NR6A1: variants seen among roughly 807,000 people sequenced by gnomAD.
The protein encoded by NR6A1 is nuclear receptor subfamily 6 group A member 1, also known as retinoic acid receptor-related testis-associated receptor.
In NR6A1, 7 loss-of-function variants were observed where a neutral mutation model predicts 59.1. The ratio of observed to expected loss-of-function variants is 0.12; its 90% confidence interval spans 0.07 to 0.22. The LOEUF (loss-of-function observed/expected upper bound fraction) is 0.22. Ranked by LOEUF, NR6A1 falls within the 10% of genes least tolerant of loss-of-function variation. The pLI is 1.00. For synonymous variants in NR6A1, 243 were observed against 236.1 expected (o/e 1.03, Z -0.27); for missense variants, 468 against 611.6 (o/e 0.77, Z 2.48).
intron 1 of NR6A1, among the ~76,000 whole-genome samples, chr9:124,749,255 T>A (rs923261725): frequency 7.1e-6 from 1 of 141,002 alleles, no homozygotes; most frequent in Admixed American, 7.2e-5. Context: ...AGAGTGAAAC[T>A]CCATTTCAAA....
At chr9:124,765,058 G>T (rs1840891669) in intron 1 of NR6A1, among the ~76,000 whole-genome samples, 2 of 152,140 alleles carry the variant, frequency 1.3e-5, no homozygotes, top group South Asian at 4.1e-4. Context: ...AGGGTGTAGA[G>T]TTTACAATTA....
chr9:124,724,522 C>T (rs901216623), intron 2 of NR6A1, among the ~76,000 whole-genome samples: 4 of 145,444 alleles, frequency 2.8e-5, no homozygotes, highest in Non-Finnish European at 6.0e-5. Flanking sequence ...CATCAGACAA[C>T]ATAGCACATA....
chr9:124,673,131 C>T (rs905049453), intron 2 of NR6A1, among the ~76,000 whole-genome samples: 1 of 151,960 alleles, frequency 6.6e-6, no homozygotes, highest in African/African-American at 2.4e-5. Context: ...AGATCAGCCT[C>T]GGCAACATGG....
chr9:124,767,788 A>C (rs746095002), intron 1 of NR6A1, among the ~76,000 whole-genome samples: 2 of 152,244 alleles, frequency 1.3e-5, no homozygotes, highest in Non-Finnish European at 2.9e-5. Flanking sequence ...CATTTCCTCT[A>C]AAGTGTAATT....
chr9:124,652,371 ATTAC>A (rs1465070767), intron 2 of NR6A1, among the ~76,000 whole-genome samples: 1 of 152,096 alleles, frequency 6.6e-6, no homozygotes, highest in Admixed American at 6.5e-5. Flanking sequence ...TCCTAATCTC[ATTAC>A]TACCTGGCTG....
At chr9:124,692,366 C>G in intron 2 of NR6A1, 1 of 401,422 alleles carries the variant, frequency 2.5e-6, no homozygotes, top group South Asian at 2.0e-5. Context: ...ACTTGAAACC[C>G]AGAGAGGAAT....
intron 2 of NR6A1, among the ~76,000 whole-genome samples, chr9:124,657,605 G>C (rs1837297074): frequency 6.6e-6 from 1 of 152,166 alleles, no homozygotes; most frequent in South Asian, 2.1e-4. Flanking sequence ...TAATGACCTG[G>C]TTTCCCAGTG....
intron 2 of NR6A1, among the ~76,000 whole-genome samples, chr9:124,626,068 A>G (rs991166636): frequency 2.0e-5 from 3 of 152,214 alleles, no homozygotes; most frequent in African/African-American, 7.2e-5. Flanking sequence ...GTGCAGTGGT[A>G]CGATCTCAGC....
chr9:124,536,740 G>A (rs1833279346), intron 6 of NR6A1, among the ~76,000 whole-genome samples: 1 of 151,804 alleles, frequency 6.6e-6, no homozygotes, highest in Non-Finnish European at 1.5e-5. Context: ...AATGTTCCAT[G>A]TCTTAGAGAA....
At chr9:124,565,337 G>T (rs764746528) in intron 2 of NR6A1, among the ~76,000 whole-genome samples, 11 of 152,150 alleles carry the variant, frequency 7.2e-5, no homozygotes, top group South Asian at 6.2e-4. Flanking sequence ...TGAGGCATGA[G>T]AATCGCTTGA....
intron 1 of NR6A1, among the ~76,000 whole-genome samples, chr9:124,761,155 C>T (rs1455002599): frequency 6.6e-6 from 1 of 152,244 alleles, no homozygotes; most frequent in African/African-American, 2.4e-5. Flanking sequence ...GAAGATTTCA[C>T]ATGAATCTTC....
chr9:124,576,556 G>C (rs1031446104), intron 2 of NR6A1, among the ~76,000 whole-genome samples: 3 of 151,920 alleles, frequency 2.0e-5, no homozygotes, highest in African/African-American at 7.3e-5. Flanking sequence ...CAAAGTGCTG[G>C]GATTATAGGC....
intron 2 of NR6A1, among the ~76,000 whole-genome samples, chr9:124,696,436 C>G (rs970222699): frequency 1.3e-5 from 2 of 151,938 alleles, no homozygotes; most frequent in African/African-American, 4.8e-5. Context: ...GGTGTATAGC[C>G]TCACAGATAT....
chr9:124,733,147 G>C (rs1303402692), intron 2 of NR6A1, among the ~76,000 whole-genome samples, 161 bp downstream of exon 2: 4 of 152,158 alleles, frequency 2.6e-5, no homozygotes, highest in African/African-American at 9.7e-5. Context: ...AGCATAACTA[G>C]AAAAGACAGA....
In NR6A1 at chr9:124,600,986, GA is replaced by G. The variant is rs553677692; in HGVS notation, c.143-46417del. On this transcript the variant is annotated intron_variant, in intron 2 of 9. Transcript: ENST00000487099. Reference sequence around the variant, plus strand: ...AAAAAGACTACAGAGTGTGCTTTAAGAAAAAAAAAAAAAATGCGGTGGCTCA... The same window carrying G: ...AAAAAGACTACAGAGTGTGCTTTAAGAAAAAAAAAAAAATGCGGTGGCTCA... Among the ~76,000 whole-genome samples the G allele has an allele frequency of 2.2e-3, 308 of 137,326 alleles. 1 individual carries two copies. Among genetic ancestry groups the G allele is most frequent in the South Asian group, 0.021 (91 of 4,370 alleles). The allele number at this position is 137,326 out of a possible 152,430, so 90.1% of individuals were successfully genotyped here. A position where few individuals can be genotyped will look rare whatever the true frequency, so the allele number is the denominator to read the frequency against.
intron 2 of NR6A1, among the ~76,000 whole-genome samples, chr9:124,656,677 C>T (rs1338483549): frequency 3.3e-5 from 5 of 151,978 alleles, no homozygotes; most frequent in Non-Finnish European, 7.4e-5. Flanking sequence ...ACTAAAAATA[C>T]AAAAACTAGC....
chr9:124,746,829 T>C (rs911586531), intron 1 of NR6A1, among the ~76,000 whole-genome samples: 1 of 152,212 alleles, frequency 6.6e-6, no homozygotes, highest in Non-Finnish European at 1.5e-5. Context: ...TATAGGCTGC[T>C]ATCCCAGACT....
intron 2 of NR6A1, among the ~76,000 whole-genome samples, chr9:124,594,926 A>C (rs1835228883): frequency 6.6e-6 from 1 of 152,186 alleles, no homozygotes; most frequent in African/African-American, 2.4e-5. Flanking sequence ...GAAATTTATC[A>C]ACTGCTTCAA....
intron 2 of NR6A1, among the ~76,000 whole-genome samples, chr9:124,610,653 TGGA>T (rs1376988466): frequency 6.6e-6 from 1 of 152,228 alleles, no homozygotes; most frequent in Non-Finnish European, 1.5e-5. Flanking sequence ...TTCAATTGTT[TGGA>T]ATAGTTTCAG....
Sources: allele counts gnomAD v4.1 joint callset (sites outside exome capture counted in the v4.1 genomes callset), GRCh38; gene constraint gnomAD v4.1.1; transcripts MANE v1.5; gene names NCBI Gene and HGNC (gene_info 2026-07-23, HGNC 2026-07-21).